Variants in STXBP5L observed in about 807,000 individuals in gnomAD.
The protein encoded by STXBP5L is syntaxin binding protein 5L.
In STXBP5L, 65 loss-of-function variants were observed where a neutral mutation model predicts 144.5. The observed-to-expected ratio is 0.45, with a 90% confidence interval of 0.37 to 0.55. The LOEUF (loss-of-function observed/expected upper bound fraction) is 0.55, where lower values mean the gene tolerates loss of function less well. Among genes scored for constraint, STXBP5L ranks in the 20% least tolerant of loss-of-function variants. STXBP5L has a pLI of 0.00. For synonymous variants in STXBP5L, 505 were observed against 469.6 expected, an observed-to-expected ratio of 1.08 and a Z score of -0.97; for missense variants, 1,298 against 1,405.5, an observed-to-expected ratio of 0.92 and a Z score of 1.22.
chr3:121,267,594 A>G (rs530296478), intron 18 of STXBP5L, among the ~76,000 whole-genome samples: 43 of 152,360 alleles, frequency 2.8e-4, no homozygotes, highest in African/African-American at 9.6e-4. Context: ...TCTGCACAGC[A>G]AAAGAAACTA....
At chr3:121,050,584 G>T (rs965055440) in intron 5 of STXBP5L, among the ~76,000 whole-genome samples, 43 of 152,080 alleles carry the variant, frequency 2.8e-4, no homozygotes, top group African/African-American at 1.0e-3. Context: ...CCTGAAGGAA[G>T]CACTAAACAT....
chr3:121,078,418 A>G (rs541376614), intron 5 of STXBP5L, among the ~76,000 whole-genome samples: 5 of 152,390 alleles, frequency 3.3e-5, no homozygotes, highest in African/African-American at 1.2e-4. Flanking sequence ...CCTTAGCTAG[A>G]CATAAAGGTT....
intron 3 of STXBP5L, among the ~76,000 whole-genome samples, chr3:120,976,807 G>T (rs927826540): frequency 2.0e-5 from 3 of 152,134 alleles, no homozygotes; most frequent in African/African-American, 7.2e-5. Flanking sequence ...TATGTACCCA[G>T]TAGTCATTCA....
intron 7 of STXBP5L, among the ~76,000 whole-genome samples, chr3:121,140,069 ATAAT>A (rs1353207149): frequency 5.9e-5 from 9 of 152,224 alleles, no homozygotes; most frequent in South Asian, 2.1e-4. Flanking sequence ...AATAGATTAA[ATAAT>A]TAAGTGTAAT....
chr3:121,066,361 C>CATATAT (rs1560083379), intron 5 of STXBP5L, among the ~76,000 whole-genome samples: 1 of 103,596 alleles, frequency 9.7e-6, no homozygotes, highest in African/African-American at 4.3e-5. Context: ...TTCCTATAAG[C>CATATAT]GTATATATAT....
intron 7 of STXBP5L, among the ~76,000 whole-genome samples, chr3:121,122,410 TA>T (rs1419671457): frequency 6.6e-6 from 1 of 151,350 alleles, no homozygotes; most frequent in African/African-American, 2.4e-5. Flanking sequence ...CGTCAGAGTT[TA>T]TTTTTTAAGA....
intron 5 of STXBP5L, among the ~76,000 whole-genome samples, chr3:121,092,215 G>A (rs2042846794): frequency 6.6e-6 from 1 of 151,970 alleles, no homozygotes; most frequent in African/African-American, 2.4e-5. Flanking sequence ...GATGCCTCCA[G>A]CTTTGTTCTT....
At chr3:121,195,835 C>T (rs2047897941) in intron 9 of STXBP5L, among the ~76,000 whole-genome samples, 2 of 152,150 alleles carry the variant, frequency 1.3e-5, no homozygotes, top group African/African-American at 4.8e-5. Context: ...GAGAAGGAGA[C>T]TGGGCACACA....
At chr3:120,965,224 T>C (rs188803102) in intron 3 of STXBP5L, among the ~76,000 whole-genome samples, 1 of 152,342 alleles carries the variant, frequency 6.6e-6, no homozygotes, top group Admixed American at 6.5e-5. Flanking sequence ...GGGTGTTGAC[T>C]GTTTATCCAA....
At chr3:121,287,452 G>GA (rs11441545) in intron 19 of STXBP5L, among the ~76,000 whole-genome samples, 94,978 of 151,938 alleles carry the variant, frequency 0.63, 29,881 homozygotes, top group East Asian at 0.8. Context: ...ACAACAATCT[G>GA]AATTGAAATT....
chr3:121,355,580 T>A (rs2045478099), intron 20 of STXBP5L, among the ~76,000 whole-genome samples: 2 of 152,144 alleles, frequency 1.3e-5, no homozygotes, highest in South Asian at 4.1e-4. Flanking sequence ...CTATTTAGCA[T>A]TTCTTCTAAC....
intron 20 of STXBP5L, among the ~76,000 whole-genome samples, chr3:121,373,904 G>A (rs746536797): frequency 1.3e-5 from 2 of 152,124 alleles, no homozygotes; most frequent in Non-Finnish European, 2.9e-5. Flanking sequence ...GCCAATGCAT[G>A]CATCCTACCC....
chr3:121,311,286 C>G (rs1213334205), intron 19 of STXBP5L, among the ~76,000 whole-genome samples: 1 of 152,104 alleles, frequency 6.6e-6, no homozygotes, highest in African/African-American at 2.4e-5. Flanking sequence ...AATAGACAGC[C>G]CCTGTCATTA....
At chr3:121,220,914 T>C (rs1366657681) in intron 10 of STXBP5L, among the ~76,000 whole-genome samples, 2 of 152,018 alleles carry the variant, frequency 1.3e-5, no homozygotes, top group East Asian at 3.8e-4. Flanking sequence ...AAATTTACTT[T>C]ATATATACAC....
At chr3:121,397,026 C>T (rs942074000) in intron 22 of STXBP5L, among the ~76,000 whole-genome samples, 7 of 152,306 alleles carry the variant, frequency 4.6e-5, no homozygotes, top group Non-Finnish European at 5.9e-5. Context: ...CTACAAGCTC[C>T]GCTTTTTGAG....
intron 9 of STXBP5L, among the ~76,000 whole-genome samples, chr3:121,165,778 C>T (rs1355621994): frequency 6.6e-6 from 1 of 152,086 alleles, no homozygotes; most frequent in Non-Finnish European, 1.5e-5. Context: ...GCAAATGGTG[C>T]GAACTTCCCG....
intron 22 of STXBP5L, among the ~76,000 whole-genome samples, chr3:121,400,833 T>A (rs576216927): frequency 1.3e-4 from 20 of 152,310 alleles, no homozygotes; most frequent in South Asian, 1.0e-3. Context: ...GGAGACTAGC[T>A]ATTGTGTTTT....
intron 18 of STXBP5L, among the ~76,000 whole-genome samples, chr3:121,265,458 A>G (rs1447143980): frequency 6.6e-6 from 1 of 152,216 alleles, no homozygotes; most frequent in Non-Finnish European, 1.5e-5. Flanking sequence ...AATCTCTGGG[A>G]CACAGCTAAA....
At chr3:121,412,744 A>AC (rs1560068192) in intron 23 of STXBP5L, among the ~76,000 whole-genome samples, 2 of 148,568 alleles carry the variant, frequency 1.3e-5, no homozygotes, top group Non-Finnish European at 3.0e-5. Context: ...AAAAAAAAAA[A>AC]AAAAACAAAA....
Sources: gnomAD v4.1 joint callset for allele counts (sites outside exome capture counted in the v4.1 genomes callset) on GRCh38, gnomAD v4.1.1 for gene constraint, MANE v1.5 for transcripts, NCBI Gene and HGNC (gene_info 2026-07-23, HGNC 2026-07-21) for gene names.